The following LTBP1 variants were observed in gnomAD, a reference collection of about 807,000 sequenced individuals.
The protein encoded by LTBP1 is latent-transforming growth factor beta-binding protein 1.
Under a neutral mutation model 207.6 loss-of-function variants are expected in LTBP1, and 129 were observed. That is an observed-to-expected ratio of 0.62 (90% CI 0.54 to 0.72). The LOEUF (loss-of-function observed/expected upper bound fraction) is 0.72. Ranked by LOEUF, LTBP1 falls within the 30% of genes least tolerant of loss-of-function variation. LTBP1 has a pLI of 0.00. For missense variants in LTBP1, 2,281 were observed against 2,217.2 expected (o/e 1.03, Z -0.58); for synonymous variants, 963 against 833.7 (o/e 1.16, Z -2.67).
intron 5 of LTBP1, among the ~76,000 whole-genome samples, chr2:33,185,940 T>A (rs939944008): frequency 1.3e-5 from 2 of 152,196 alleles, no homozygotes; most frequent in African/African-American, 4.8e-5. Context: ...ATCTGTGATG[T>A]TTAAAGGCTG....
At chr2:33,345,794 C>T (rs1360837859) in intron 25 of LTBP1, among the ~76,000 whole-genome samples, 1 of 151,692 alleles carries the variant, frequency 6.6e-6, no homozygotes. Context: ...AAATTTTTAA[C>T]TTTGATTAAG....
chr2:33,213,862 A>G (rs569641437), intron 7 of LTBP1, among the ~76,000 whole-genome samples: 9 of 152,302 alleles, frequency 5.9e-5, no homozygotes, highest in African/African-American at 2.2e-4. Context: ...AACAATTTGG[A>G]TGGCTTATGC....
At chr2:33,274,875 C>T in intron 16 of LTBP1, 90 bp from the exon 17 acceptor site, 1 of 1,304,876 alleles carries the variant, frequency 7.7e-7, no homozygotes. Context: ...GGGTGGTACC[C>T]AGGGAATAGT....
At position 32,994,569 on chromosome 2, in the gene LTBP1, C is replaced by T. The variant is rs142777408; in HGVS notation, c.566-26340C>T. The stretch of plus-strand genomic sequence containing the variant: ...GCAACCTCTGCCTCTCAGGTTCAAG[C>T]GATTCTCCTGCCTCAGCCTCCCAAG... On this transcript the variant is annotated intron_variant, in intron 2 of 33. Coordinates refer to ENST00000404816, the MANE Select transcript of LTBP1 (RefSeq NM_206943.4). Among the ~76,000 whole-genome samples, 1,142 of 151,792 alleles carry T rather than the reference C, an allele frequency of 7.5e-3. 15 individuals are homozygous for T. Among genetic ancestry groups the T allele is most frequent in the African/African-American group, 0.027 (1,102 of 41,324 alleles).
chr2:32,999,605 G>A (rs1392624920), intron 2 of LTBP1, among the ~76,000 whole-genome samples: 1 of 134,384 alleles, frequency 7.4e-6, no homozygotes, highest in Non-Finnish European at 1.6e-5. Flanking sequence ...AAAAGATCCA[G>A]AGGCGGCTGG....
At chr2:33,275,180 A>C in intron 17 of LTBP1, 90 bp downstream of exon 17, 3 of 1,462,974 alleles carry the variant, frequency 2.1e-6, no homozygotes, top group Non-Finnish European at 2.8e-6. Flanking sequence ...TTATCCAGAC[A>C]ACCCAGAATT....
intron 8 of LTBP1, among the ~76,000 whole-genome samples, chr2:33,218,589 G>T (rs527578417): frequency 1.2e-3 from 184 of 152,214 alleles, no homozygotes; most frequent in African/African-American, 4.3e-3. Context: ...TAGAGATGGG[G>T]TTTCACCATG....
At chr2:33,031,944 G>A (rs932314058) in intron 3 of LTBP1, among the ~76,000 whole-genome samples, 1 of 152,142 alleles carries the variant, frequency 6.6e-6, no homozygotes, top group African/African-American at 2.4e-5. Flanking sequence ...CTGGCTGCTG[G>A]GCAGATGAGA....
In LTBP1 at chr2:33,108,274, C is replaced by T. The variant is rs567985402; in HGVS notation, c.864-2308C>T. ...AGCCTGTGGGGTACCTGTGCACGCA[C>T]CTCATGGGGGGAAGCGGGAGAAGGT... is the stretch of plus-strand genomic sequence containing the variant. On this transcript the variant is annotated intron_variant, in intron 3 of 33. Transcript: ENST00000404816. Among the ~76,000 whole-genome samples, 6 of 151,472 alleles carry T rather than the reference C, an allele frequency of 4.0e-5. No individual in the cohort carries two copies. The South Asian group carries it at 1.3e-3, about 32-fold the overall frequency.
Position 33,110,764 on chromosome 2 carries a change from T to C in LTBP1, c.1033+13T>C, listed in dbSNP as rs2150259115. 2 of 1,608,370 alleles carry C rather than the reference T, an allele frequency of 1.2e-6. No individual in the cohort carries two copies. Among genetic ancestry groups the C allele is most frequent in the Non-Finnish European group, 8.5e-7 (1 of 1,175,754 alleles). The stretch of plus-strand genomic sequence containing the variant: ...GCACCTTTTCAGCGTGAGTATAGTC[T>C]TATCAACCATTTTCCCAAGTTATGG... On this transcript the variant is annotated intron_variant, in intron 4 of 33. Transcript: ENST00000404816.
chr2:33,057,709 C>T (rs2077071840), intron 3 of LTBP1, among the ~76,000 whole-genome samples: 2 of 152,360 alleles, frequency 1.3e-5, no homozygotes, highest in South Asian at 4.1e-4. Flanking sequence ...GCACGGCTGG[C>T]CGGCAGCTCT....
At chr2:33,008,466 A>G (rs572726332) in intron 2 of LTBP1, among the ~76,000 whole-genome samples, 1 of 152,362 alleles carries the variant, frequency 6.6e-6, no homozygotes, top group Admixed American at 6.5e-5. Context: ...ACAGACTTTT[A>G]GAAAATCTGG....
chr2:32,980,843 T>C (rs1221042763), intron 2 of LTBP1, among the ~76,000 whole-genome samples: 1 of 152,192 alleles, frequency 6.6e-6, no homozygotes, highest in Admixed American at 6.5e-5. Context: ...ATTTTTGCCA[T>C]AGATACTCTT....
At chr2:32,985,771 T>C (rs1683462533) in intron 2 of LTBP1, among the ~76,000 whole-genome samples, 1 of 152,220 alleles carries the variant, frequency 6.6e-6, no homozygotes, top group Non-Finnish European at 1.5e-5. Flanking sequence ...CTCTCAGTGA[T>C]GGATGGGGCC....
intron 7 of LTBP1, among the ~76,000 whole-genome samples, chr2:33,211,141 T>G (rs973613240): frequency 1.3e-5 from 2 of 152,234 alleles, no homozygotes; most frequent in African/African-American, 4.8e-5. Context: ...TTTATCATTT[T>G]TTAGTGTTTT....
chr2:33,146,102 C>G (rs967723929), intron 5 of LTBP1, among the ~76,000 whole-genome samples: 4 of 152,136 alleles, frequency 2.6e-5, no homozygotes, highest in African/African-American at 4.8e-5. Flanking sequence ...CTAATAGTGT[C>G]CAATTTACGT....
At chr2:33,313,595 A>G (rs1283981215) in intron 23 of LTBP1, among the ~76,000 whole-genome samples, 1 of 152,218 alleles carries the variant, frequency 6.6e-6, no homozygotes, top group African/African-American at 2.4e-5. Flanking sequence ...GGGAGGGCCT[A>G]CGAGACTTGG....
At chr2:33,008,284 CA>C (rs1687204591) in intron 2 of LTBP1, among the ~76,000 whole-genome samples, 1 of 152,170 alleles carries the variant, frequency 6.6e-6, no homozygotes, top group Admixed American at 6.5e-5. Flanking sequence ...TAAGTTCCAA[CA>C]TAGTACATTT....
intron 7 of LTBP1, among the ~76,000 whole-genome samples, chr2:33,200,975 C>A (rs1410442853): frequency 6.6e-6 from 1 of 152,172 alleles, no homozygotes; most frequent in African/African-American, 2.4e-5. Flanking sequence ...AGTCAGGAAA[C>A]AACAGGTGCT....
Sources: allele counts gnomAD v4.1 joint callset (sites outside exome capture counted in the v4.1 genomes callset), GRCh38; gene constraint gnomAD v4.1.1; transcripts MANE v1.5; gene names NCBI Gene and HGNC (gene_info 2026-07-23, HGNC 2026-07-21).